CNTNAP2: variants seen among roughly 807,000 people sequenced by gnomAD.
CNTNAP2 encodes contactin associated protein 2.
CNTNAP2 carries 98 observed loss-of-function variants against 155.2 expected under a neutral mutation model. That is an observed-to-expected ratio of 0.63 (90% CI 0.54 to 0.75). The LOEUF (loss-of-function observed/expected upper bound fraction) is 0.75. CNTNAP2 is among the 30% of genes least tolerant of loss of function. CNTNAP2 has a pLI of 0.00. For synonymous variants in CNTNAP2, 651 were observed against 631.2 expected (o/e 1.03, Z -0.47); for missense variants, 1,727 against 1,688.1 (o/e 1.02, Z -0.40).
chr7:146,712,322 T>A (rs1470638247), intron 1 of CNTNAP2, among the ~76,000 whole-genome samples: 188 of 128,192 alleles, frequency 1.5e-3, no homozygotes, highest in African/African-American at 5.9e-3. Context: ...TATACATATC[T>A]TATGTATACT....
intron 1 of CNTNAP2, among the ~76,000 whole-genome samples, chr7:146,307,502 A>G (rs1238941772): frequency 6.6e-6 from 1 of 152,202 alleles, no homozygotes; most frequent in African/African-American, 2.4e-5. Context: ...ATGGAACCAA[A>G]AAAGAGTCAG....
chr7:147,259,357 A>G (rs1336498012), intron 8 of CNTNAP2, among the ~76,000 whole-genome samples: 1 of 152,234 alleles, frequency 6.6e-6, no homozygotes, highest in Non-Finnish European at 1.5e-5. Flanking sequence ...TTACCAATAC[A>G]TCTGTCATCT....
At chr7:146,525,351 T>TGTAATTCTCAG (rs1797673061) in intron 1 of CNTNAP2, among the ~76,000 whole-genome samples, 1 of 152,118 alleles carries the variant, frequency 6.6e-6, no homozygotes, top group Admixed American at 6.6e-5. Context: ...CTGAGAATTA[T>TGTAATTCTCAG]TGGTGGAAAA....
chr7:147,943,355 A>T (rs1157301065), intron 14 of CNTNAP2, among the ~76,000 whole-genome samples: 1 of 152,194 alleles, frequency 6.6e-6, no homozygotes. Flanking sequence ...TCTCTATTCT[A>T]TACCTTGAAT....
intron 20 of CNTNAP2, among the ~76,000 whole-genome samples, chr7:148,247,595 T>TTCTCTC (rs140317251): frequency 4.6e-4 from 61 of 132,956 alleles, no homozygotes; most frequent in African/African-American, 8.9e-4. Flanking sequence ...GCTTCTCCCA[T>TTCTCTC]TCTCTCTCTC....
At chr7:147,451,561 G>A (rs973119354) in intron 10 of CNTNAP2, among the ~76,000 whole-genome samples, 1 of 152,034 alleles carries the variant, frequency 6.6e-6, no homozygotes, top group East Asian at 1.9e-4. Flanking sequence ...CTAGGGCCCA[G>A]AGAAAACTTT....
At chr7:147,495,210 A>G (rs1388078060) in intron 11 of CNTNAP2, among the ~76,000 whole-genome samples, 2 of 152,206 alleles carry the variant, frequency 1.3e-5, no homozygotes, top group Non-Finnish European at 2.9e-5. Flanking sequence ...ATTTGGGAAG[A>G]CGTTCAAGCA....
intron 1 of CNTNAP2, among the ~76,000 whole-genome samples, chr7:146,221,006 C>T (rs1000317085): frequency 2.6e-5 from 4 of 152,354 alleles, no homozygotes; most frequent in African/African-American, 7.2e-5. Flanking sequence ...CCTATCATCA[C>T]TGAGAAGTAC....
chr7:146,821,141 A>T (rs920898301), intron 2 of CNTNAP2, among the ~76,000 whole-genome samples: 1 of 152,128 alleles, frequency 6.6e-6, no homozygotes, highest in Admixed American at 6.6e-5. Context: ...GTGTCTTTTA[A>T]TTGGAGCATT....
chr7:146,528,676 A>G (rs1250853917), intron 1 of CNTNAP2, among the ~76,000 whole-genome samples: 3 of 152,126 alleles, frequency 2.0e-5, no homozygotes, highest in African/African-American at 7.2e-5. Flanking sequence ...ATTAGTGAGG[A>G]TATTATATGT....
At chr7:146,906,094 C>T (rs184615647) in intron 3 of CNTNAP2, among the ~76,000 whole-genome samples, 6 of 152,326 alleles carry the variant, frequency 3.9e-5, no homozygotes, top group East Asian at 1.9e-4. Flanking sequence ...GCTTTCAGAC[C>T]GGCTTAAAAA....
chr7:148,415,206 T>C (rs538702516), intron 23 of CNTNAP2, among the ~76,000 whole-genome samples: 20 of 152,370 alleles, frequency 1.3e-4, no homozygotes, highest in African/African-American at 4.6e-4. Context: ...TAGTTACTTT[T>C]GGCTGGAAGA....
At chr7:147,698,406 C>T (rs995147983) in intron 13 of CNTNAP2, among the ~76,000 whole-genome samples, 8 of 152,158 alleles carry the variant, frequency 5.3e-5, no homozygotes, top group African/African-American at 1.4e-4. Context: ...ACCATTACAT[C>T]ACATATTTAA....
chr7:146,859,330 G>C lies in CNTNAP2; in HGVS notation c.402+19426G>C, dbSNP rs187742247. Among the ~76,000 whole-genome samples, 19 of 152,272 alleles carry C rather than the reference G, an allele frequency of 1.2e-4. No individual in the cohort carries two copies. The East Asian group carries it at 3.3e-3, about 26-fold the overall frequency. On this transcript the variant is annotated intron_variant, in intron 3 of 23. Transcript: ENST00000361727. ...AGCCCCTATAGTTATTGAAGGAGCT[G>C]CATATTTTTTAAAATTCCAGCTATT...
chr7:147,581,749 T>C (rs1800504668), intron 12 of CNTNAP2, among the ~76,000 whole-genome samples: 6 of 152,204 alleles, frequency 3.9e-5, no homozygotes, highest in Admixed American at 3.9e-4. Context: ...GGTTTAGTTA[T>C]CTGAAATAAA....
chr7:147,117,886 C>T (rs1801021031), intron 5 of CNTNAP2, among the ~76,000 whole-genome samples: 3 of 152,018 alleles, frequency 2.0e-5, no homozygotes, highest in South Asian at 2.1e-4. Flanking sequence ...AGAAAAGTCA[C>T]ACAAAATTCG....
chr7:146,351,834 G>C (rs1794918794), intron 1 of CNTNAP2, among the ~76,000 whole-genome samples: 1 of 152,008 alleles, frequency 6.6e-6, no homozygotes, highest in African/African-American at 2.4e-5. Flanking sequence ...TGACTTCTTT[G>C]CTGTGAGGTC....
rs558486936 is a variant in CNTNAP2, at chr7:147,227,014, T to A, written c.1349-73127T>A. On this transcript the variant is annotated intron_variant, in intron 8 of 23. Coordinates refer to ENST00000361727, the MANE Select transcript of CNTNAP2 (RefSeq NM_014141.6). The stretch of plus-strand genomic sequence containing the variant: ...AATTATAGTGTATATTAGAAAAGGA[T>A]AAGGGCTGTGAAAACAAATAAAGTA... 2.6e-5 allele frequency among the ~76,000 whole-genome samples: 4 copies of A among 152,234 alleles called. No homozygotes were observed. In the East Asian group the frequency reaches 7.7e-4, roughly 29 times the overall value.
chr7:147,687,312 G>A (rs142838992), intron 13 of CNTNAP2, among the ~76,000 whole-genome samples: 2,502 of 152,212 alleles, frequency 0.016, 222 homozygotes, highest in Admixed American at 0.15. Flanking sequence ...TTGTATACAA[G>A]TAAGGATAGT....
Sources: gnomAD v4.1 joint callset for allele counts (sites outside exome capture counted in the v4.1 genomes callset) on GRCh38, gnomAD v4.1.1 for gene constraint, MANE v1.5 for transcripts, NCBI Gene and HGNC (gene_info 2026-07-23, HGNC 2026-07-21) for gene names.